Variants in TNR observed in about 807,000 individuals in gnomAD.
TNR encodes tenascin R.
Under a neutral mutation model 150.4 loss-of-function variants are expected in TNR, and 45 were observed. The observed-to-expected ratio is 0.30, with a 90% CI of 0.24 to 0.38. The LOEUF (loss-of-function observed/expected upper bound fraction) is 0.38, where lower values mean the gene tolerates loss of function less well. Among genes scored for constraint, TNR ranks in the 10% least tolerant of loss-of-function variants. TNR has a pLI of 1.00. For synonymous variants in TNR, 687 were observed against 678.4 expected (o/e 1.01, Z -0.20); for missense variants, 1,544 against 1,759.1 (o/e 0.88, Z 2.19).
intron 1 of TNR, among the ~76,000 whole-genome samples, chr1:175,742,913 G>A (rs973316907): frequency 6.7e-6 from 1 of 150,154 alleles, no homozygotes; most frequent in Non-Finnish European, 1.5e-5. Context: ...ATGGAGACAC[G>A]CAGAAACCAC....
chr1:175,419,350 C>T (rs922377170), intron 2 of TNR, among the ~76,000 whole-genome samples: 10 of 152,052 alleles, frequency 6.6e-5, no homozygotes, highest in South Asian at 2.1e-4. Context: ...TTTCTGACAG[C>T]GTAAGAATAC....
intron 1 of TNR, among the ~76,000 whole-genome samples, chr1:175,680,388 G>A (rs1460525543): frequency 6.6e-6 from 1 of 152,136 alleles, no homozygotes; most frequent in East Asian, 1.9e-4. Flanking sequence ...AAAGGAACAA[G>A]AGAGGGAGAC....
At chr1:175,706,460 G>A (rs10913063) in intron 1 of TNR, among the ~76,000 whole-genome samples, 28,846 of 151,988 alleles carry the variant, frequency 0.19, 4,169 homozygotes, top group African/African-American at 0.4. Context: ...TGACAGGAAG[G>A]CATCTTAAAG....
intron 20 of TNR, among the ~76,000 whole-genome samples, chr1:175,331,063 TTCTTTCTTTCTTTCC>T (rs1649805324): frequency 3.1e-5 from 4 of 127,922 alleles, no homozygotes; most frequent in African/African-American, 9.6e-5. Flanking sequence ...CTTTCTTTCT[TTCTTTCTTTCTTTCC>T]TTCTTTCTTT....
intron 1 of TNR, among the ~76,000 whole-genome samples, chr1:175,673,163 T>G (rs1665754361): frequency 6.6e-6 from 1 of 152,180 alleles, no homozygotes; most frequent in Non-Finnish European, 1.5e-5. Flanking sequence ...TCAACCTGAA[T>G]GGCAAGCTCT....
At chr1:175,716,379 C>G (rs969852870) in intron 1 of TNR, among the ~76,000 whole-genome samples, 3 of 152,198 alleles carry the variant, frequency 2.0e-5, no homozygotes, top group African/African-American at 7.2e-5. Flanking sequence ...CATCTGTCTC[C>G]CCTTCCCCCT....
chr1:175,675,269 T>C (rs1054732867), intron 1 of TNR, among the ~76,000 whole-genome samples: 1 of 152,204 alleles, frequency 6.6e-6, no homozygotes, highest in Non-Finnish European at 1.5e-5. Context: ...GCTCTATGGA[T>C]AACGGCTGAG....
chr1:175,592,392 C>T (rs1210442316), intron 1 of TNR, among the ~76,000 whole-genome samples: 2 of 152,236 alleles, frequency 1.3e-5, no homozygotes, highest in Non-Finnish European at 2.9e-5. Flanking sequence ...TCAGGTTTGG[C>T]AATGCCACTT....
intron 1 of TNR, among the ~76,000 whole-genome samples, chr1:175,558,380 T>C (rs1260708366): frequency 2.6e-5 from 4 of 152,218 alleles, no homozygotes; most frequent in African/African-American, 7.2e-5. Context: ...TACTCCATAA[T>C]GTATATGCTT....
At chr1:175,646,570 A>G (rs1442856598) in intron 1 of TNR, among the ~76,000 whole-genome samples, 2 of 152,178 alleles carry the variant, frequency 1.3e-5, no homozygotes, top group Non-Finnish European at 2.9e-5. Flanking sequence ...ATTAACTTGC[A>G]GAACCAGAAG....
intron 1 of TNR, among the ~76,000 whole-genome samples, chr1:175,569,345 G>A (rs1483980375): frequency 6.6e-6 from 1 of 152,194 alleles, no homozygotes; most frequent in African/African-American, 2.4e-5. Context: ...TCCCATGCAT[G>A]AATGTCCTCC....
intron 1 of TNR, among the ~76,000 whole-genome samples, chr1:175,668,984 T>A (rs905948388): frequency 1.3e-5 from 2 of 152,164 alleles, no homozygotes; most frequent in Admixed American, 6.5e-5. Context: ...ACAAGGAGGA[T>A]GATTTCCAAG....
chr1:175,464,657 A>G (rs1656955038), intron 2 of TNR, among the ~76,000 whole-genome samples: 1 of 152,236 alleles, frequency 6.6e-6, no homozygotes, highest in Admixed American at 6.5e-5. Context: ...ACAATAGTTC[A>G]TGTGAGCTGA....
At chr1:175,472,015 G>T (rs1657313974) in intron 2 of TNR, among the ~76,000 whole-genome samples, 1 of 151,928 alleles carries the variant, frequency 6.6e-6, no homozygotes, top group Admixed American at 6.6e-5. Flanking sequence ...GCACATGCCT[G>T]CAGTACTAGC....
chr1:175,613,872 A>G (rs904210765), intron 1 of TNR, among the ~76,000 whole-genome samples: 1 of 152,148 alleles, frequency 6.6e-6, no homozygotes, highest in Non-Finnish European at 1.5e-5. Flanking sequence ...GGAGTGTCAC[A>G]ATTTAAATCC....
At chr1:175,483,641 G>A (rs1437527363) in intron 2 of TNR, among the ~76,000 whole-genome samples, 1 of 152,204 alleles carries the variant, frequency 6.6e-6, no homozygotes, top group Non-Finnish European at 1.5e-5. Flanking sequence ...TGACAGATGG[G>A]AAACGAGGCT....
chr1:175,681,608 C>T (rs1030437031), intron 1 of TNR, among the ~76,000 whole-genome samples: 2 of 152,186 alleles, frequency 1.3e-5, no homozygotes, highest in African/African-American at 4.8e-5. Flanking sequence ...CCAGGGATGG[C>T]TTGTGTTTTA....
At chr1:175,392,003 C>A (rs1350700818) in intron 6 of TNR, among the ~76,000 whole-genome samples, 1 of 152,186 alleles carries the variant, frequency 6.6e-6, no homozygotes, top group Non-Finnish European at 1.5e-5. Flanking sequence ...CTGTCGATGT[C>A]TTGTTTCCCC....
chr1:175,410,243 G>A (rs575438465), intron 2 of TNR, among the ~76,000 whole-genome samples: 1 of 152,336 alleles, frequency 6.6e-6, no homozygotes, highest in South Asian at 2.1e-4. Flanking sequence ...GATAAGGTCA[G>A]AGAAGTAGTG....
Sources: gnomAD v4.1 joint callset for allele counts (sites outside exome capture counted in the v4.1 genomes callset) on GRCh38, gnomAD v4.1.1 for gene constraint, MANE v1.5 for transcripts, NCBI Gene and HGNC (gene_info 2026-07-23, HGNC 2026-07-21) for gene names.